Variants in VPS53 observed in about 807,000 individuals in gnomAD.
VPS53 encodes the protein vacuolar protein sorting-associated protein 53 homolog.
A neutral mutation model predicts 107.0 loss-of-function variants in VPS53; 70 were observed. The ratio of observed to expected loss-of-function variants is 0.65; its 90% CI spans 0.54 to 0.80. The LOEUF (loss-of-function observed/expected upper bound fraction) is 0.80. Ranked by LOEUF, VPS53 falls within the 30% of genes least tolerant of loss-of-function variation. The pLI is 0.00. For synonymous variants in VPS53, 409 were observed against 393.3 expected (o/e 1.04, Z -0.47); for missense variants, 917 against 1,049.4 (o/e 0.87, Z 1.74).
intron 9 of VPS53, 131 bp downstream of exon 9, chr17:627,957 A>G (rs1969785336): frequency 1.1e-6 from 1 of 884,096 alleles, no homozygotes; most frequent in Admixed American, 3.1e-5. Flanking sequence ...CTCAGCCCCT[A>G]GGACTCACAG....
intron 2 of VPS53, among the ~76,000 whole-genome samples, chr17:707,520 C>A (rs1475406275): frequency 3.7e-4 from 35 of 95,370 alleles, no homozygotes; most frequent in African/African-American, 1.1e-3. Context: ...GACTTTGTCT[C>A]AAAAAAAAAA....
At chr17:664,226 C>G (rs1232182798) in intron 4 of VPS53, among the ~76,000 whole-genome samples, 1 of 152,054 alleles carries the variant, frequency 6.6e-6, no homozygotes, top group Non-Finnish European at 1.5e-5. Context: ...CTACAGGCAC[C>G]TGCCACCACA....
chr17:648,201 C>T (rs536196027), intron 7 of VPS53, among the ~76,000 whole-genome samples: 2 of 152,306 alleles, frequency 1.3e-5, no homozygotes, highest in South Asian at 2.1e-4. Context: ...TTCTCGCCCA[C>T]GAGCAGGTAG....
chr17:707,216 A>T (rs577281809), intron 2 of VPS53, among the ~76,000 whole-genome samples: 1 of 152,304 alleles, frequency 6.6e-6, no homozygotes, highest in South Asian at 2.1e-4. Flanking sequence ...CTTAAAAATT[A>T]TCCAAGTGAA....
At chr17:563,354 G>T (rs776349617) in intron 13 of VPS53, among the ~76,000 whole-genome samples, 1 of 147,248 alleles carries the variant, frequency 6.8e-6, no homozygotes, top group East Asian at 2.0e-4. Flanking sequence ...GGAGTGCAGC[G>T]GCATGATCTT....
intron 15 of VPS53, among the ~76,000 whole-genome samples, chr17:556,639 A>C (rs1183196114): frequency 6.6e-6 from 1 of 152,160 alleles, no homozygotes; most frequent in East Asian, 1.9e-4. Flanking sequence ...TCATGGGTTA[A>C]TGCCATTATC....
chr17:563,345 G>C (rs572581242), intron 13 of VPS53, among the ~76,000 whole-genome samples: 60 of 146,836 alleles, frequency 4.1e-4, no homozygotes, highest in African/African-American at 1.5e-3. Flanking sequence ...GCCCAGGCTG[G>C]AGTGCAGCGG....
intron 5 of VPS53, chr17:656,708 GTGTGTGT>G: frequency 2.5e-6 from 1 of 402,474 alleles, no homozygotes; most frequent in South Asian, 3.0e-5. Flanking sequence ...AAATGTGTGT[GTGTGTGT>G]GTGTGTGTGT....
chr17:688,055 T>G (rs942477211), intron 4 of VPS53, among the ~76,000 whole-genome samples: 1 of 152,178 alleles, frequency 6.6e-6, no homozygotes, highest in Non-Finnish European at 1.5e-5. Flanking sequence ...ATAGCTTTTC[T>G]AAAAATGAGG....
rs548434903 is a variant in VPS53, at chr17:511,200, G to A, written c.*7928C>T. The A allele has an allele frequency of 6.6e-6, 1 of 152,296 alleles. No homozygotes were observed. The highest frequency in any genetic ancestry group is 6.5e-5 in the Admixed American group (1 of 15,288). 9.4% of individuals were successfully genotyped at this position (152,296 alleles called of 1,614,324 possible). A position where few individuals can be genotyped will look rare whatever the true frequency, so the allele number is the denominator to read the frequency against. ...AAGAACCCTGTGGAATGTGGTCTCT[G>A]GCAGCTGAGAAGTGCCTTCCTTTTC... On this transcript the variant is annotated 3_prime_UTR_variant, in exon 22 of 22. Coordinates refer to ENST00000437048, the MANE Select transcript of VPS53 (RefSeq NM_001128159.3).
rs541206724 is a variant in VPS53, at chr17:521,480, A to T, written c.2223+121T>A. 4.1e-5 allele frequency: 49 copies of T among 1,186,136 alleles called. 1 individual carries two copies. In the South Asian group the frequency reaches 1.3e-3, roughly 31 times the overall value. The allele number at this position is 1,186,136 out of a possible 1,614,324, so 73.5% of individuals were successfully genotyped here. On this transcript the variant is annotated intron_variant, in intron 20 of 21. Coordinates refer to ENST00000437048, the MANE Select transcript of VPS53 (RefSeq NM_001128159.3). ...ATGAGGCCAAAATCCAGTCCAGCCCAAGAATGTGGACCATGCTTTGAGGCC... is the reference window on the plus strand; with the variant it reads ...ATGAGGCCAAAATCCAGTCCAGCCCTAGAATGTGGACCATGCTTTGAGGCC...
At chr17:581,029 C>T (rs1328569170) in intron 13 of VPS53, among the ~76,000 whole-genome samples, 1 of 151,904 alleles carries the variant, frequency 6.6e-6, no homozygotes, top group Non-Finnish European at 1.5e-5. Flanking sequence ...TCCCTCACAA[C>T]CTAATGCGTT....
chr17:663,185 G>A (rs1424232979), intron 4 of VPS53, among the ~76,000 whole-genome samples: 1 of 152,172 alleles, frequency 6.6e-6, no homozygotes, highest in African/African-American at 2.4e-5. Flanking sequence ...CCTGGTGACT[G>A]AGCGAGATCT....
chr17:598,869 T>TG (rs1304710626), intron 12 of VPS53, among the ~76,000 whole-genome samples: 2 of 22,664 alleles, frequency 8.8e-5, no homozygotes, highest in African/African-American at 1.6e-4. Context: ...GGGAGGGAGG[T>TG]GGGGGGGTCA....
rs1177269679 is a variant in VPS53 at position 599,005 on chromosome 17, G to C, written c.1218+2790C>G. Among the ~76,000 whole-genome samples, 5 of 101,978 alleles carry C rather than the reference G, an allele frequency of 4.9e-5. 1 individual carries two copies. Among genetic ancestry groups the C allele is most frequent in the Non-Finnish European group, 8.2e-5 (4 of 48,738 alleles). 66.9% of individuals were successfully genotyped at this position (101,978 alleles called of 152,430 possible). ...CCGTCCGGGAGGGAGGTGGGGGGGG[G>C]GGTCAGCCCCCAACCCGGCCAGCCG... is the stretch of plus-strand genomic sequence containing the variant. On this transcript the variant is annotated intron_variant, in intron 12 of 21. Transcript: ENST00000437048.
intron 6 of VPS53, among the ~76,000 whole-genome samples, chr17:654,736 C>CAAAAAA (rs35308893): frequency 7.4e-5 from 5 of 67,500 alleles, no homozygotes; most frequent in Non-Finnish European, 1.4e-4. Flanking sequence ...GACTCCAACT[C>CAAAAAA]AAAAAAAAAA....
At chr17:700,355 C>T (rs887221869) in intron 2 of VPS53, among the ~76,000 whole-genome samples, 10 of 151,560 alleles carry the variant, frequency 6.6e-5, no homozygotes, top group Admixed American at 1.3e-4. Context: ...CCAGCCAGAC[C>T]GTCATGGCGA....
chr17:635,880 G>A (rs1157918014), intron 7 of VPS53, among the ~76,000 whole-genome samples: 1 of 152,158 alleles, frequency 6.6e-6, no homozygotes, highest in Non-Finnish European at 1.5e-5. Flanking sequence ...GGCAATGCGG[G>A]ACCTTTTTTG....
intron 4 of VPS53, chr17:674,830 T>G (rs996481596): frequency 6.6e-6 from 1 of 152,252 alleles, no homozygotes; most frequent in Non-Finnish European, 1.5e-5. Flanking sequence ...TGTGATTAAC[T>G]CGCTTCGTGT....
Sources: gnomAD v4.1 joint callset for allele counts (sites outside exome capture counted in the v4.1 genomes callset) on GRCh38, gnomAD v4.1.1 for gene constraint, MANE v1.5 for transcripts, NCBI Gene and HGNC (gene_info 2026-07-23, HGNC 2026-07-21) for gene names.